The following SOCS2 variants were observed in gnomAD, a reference collection of about 807,000 sequenced individuals.
SOCS2 encodes suppressor of cytokine signaling 2, also known as CIS-2.
SOCS2 carries 10 observed loss-of-function variants against 18.6 expected under a neutral mutation model. The ratio of observed to expected loss-of-function variants is 0.54; its 90% CI spans 0.33 to 0.91. The LOEUF (loss-of-function observed/expected upper bound fraction) is 0.91. Ranked by LOEUF, SOCS2 falls within the 40% of genes least tolerant of loss-of-function variation. The pLI is 0.02. For missense variants in SOCS2, 231 were observed against 247.2 expected (o/e 0.93, Z 0.44); for synonymous variants, 104 against 104.0 (o/e 1.00, Z 0.00).
At chr12:93,591,268 A>C in the SOCS2 span, among the ~76,000 whole-genome samples, 14,123 of 151,738 alleles carry the variant, frequency 0.093, 1,796 homozygotes, top group African/African-American at 0.29. Context: ...AACAAACAAA[A>C]AAAAAAAAAC....
At chr12:93,614,083 C>A in the SOCS2 span, among the ~76,000 whole-genome samples, 1 of 149,736 alleles carries the variant, frequency 6.7e-6, no homozygotes, top group Non-Finnish European at 1.5e-5. Flanking sequence ...GGTTAACCAG[C>A]CATTTTTTTT....
At chr12:93,604,195 A>G in the SOCS2 span, among the ~76,000 whole-genome samples, 1 of 133,234 alleles carries the variant, frequency 7.5e-6, no homozygotes, top group Non-Finnish European at 1.6e-5. Flanking sequence ...AAAAAAACAA[A>G]CAAAACAAAA....
chr12:93,614,467 CTT>C, the SOCS2 span, among the ~76,000 whole-genome samples: 2 of 81,074 alleles, frequency 2.5e-5, no homozygotes, highest in African/African-American at 1.4e-4. Context: ...TCCTTCCTTC[CTT>C]CCTTCCTTCC....
rs2136700163 is a variant in SOCS2 at position 93,574,966 on chromosome 12, C to T, written c.384C>T (p.Tyr128=). The T allele has an allele frequency of 6.2e-7, 1 of 1,614,134 alleles. No homozygotes were observed. The highest frequency in any genetic ancestry group is 2.2e-5 in the East Asian group (1 of 44,884). Residue 128 remains tyrosine, a synonymous_variant, in exon 2 of 2, where the codon TAC becomes TAT. Transcript: ENST00000551556. Reference sequence around the variant, plus strand: ...ACAGTGTGGTTCATCTGATCGACTACTATGTTCAGATGTGCAAGGATAAGC... The same window carrying T: ...ACAGTGTGGTTCATCTGATCGACTATTATGTTCAGATGTGCAAGGATAAGC... ...QFDSVVHLID[Y]YVQMCKDKRT... is the part of the protein sequence containing the mutation.
At chr12:93,614,479 C>CTT in the SOCS2 span, among the ~76,000 whole-genome samples, 1 of 31,886 alleles carries the variant, frequency 3.1e-5, no homozygotes, top group African/African-American at 2.3e-4. Context: ...TCCTTCCTTC[C>CTT]TTTCCTTCCT....
chr12:93,591,016 T>C, the SOCS2 span, among the ~76,000 whole-genome samples: 1 of 151,988 alleles, frequency 6.6e-6, no homozygotes, highest in African/African-American at 2.4e-5. Flanking sequence ...TTTTACTTGT[T>C]GGCAGTGCAG....
chr12:93,594,506 T>C, the SOCS2 span, among the ~76,000 whole-genome samples: 1 of 152,194 alleles, frequency 6.6e-6, no homozygotes, highest in Non-Finnish European at 1.5e-5. Context: ...CTTTCTCAAA[T>C]GTGTCATTTA....
chr12:93,606,113 C>G, the SOCS2 span, among the ~76,000 whole-genome samples: 1 of 152,148 alleles, frequency 6.6e-6, no homozygotes, highest in Non-Finnish European at 1.5e-5. Context: ...ACTCATGACC[C>G]AAAATGGCTC....
chr12:93,592,711 C>G, the SOCS2 span, among the ~76,000 whole-genome samples: 2 of 152,132 alleles, frequency 1.3e-5, no homozygotes, highest in Non-Finnish European at 2.9e-5. Context: ...ATCGAATAAA[C>G]TTGTTTATTT....
downstream of SOCS2, among the ~76,000 whole-genome samples, chr12:93,580,759 A>G (rs371840584): frequency 6.6e-6 from 1 of 151,870 alleles, no homozygotes; most frequent in Non-Finnish European, 1.5e-5. Flanking sequence ...TTTCCAGCAT[A>G]GCTTGTTTCT....
the SOCS2 span, among the ~76,000 whole-genome samples, chr12:93,619,950 C>A: frequency 6.6e-6 from 1 of 152,162 alleles, no homozygotes; most frequent in Admixed American, 6.5e-5. Context: ...TATATCTTCA[C>A]GTTTCAATTG....
chr12:93,614,437 T>C, the SOCS2 span, among the ~76,000 whole-genome samples: 1 of 53,210 alleles, frequency 1.9e-5, no homozygotes, highest in Non-Finnish European at 3.3e-5. Context: ...TTCCCTTCCT[T>C]CCTTCCTTCC....
At chr12:93,609,307 G>C in the SOCS2 span, among the ~76,000 whole-genome samples, 1 of 152,086 alleles carries the variant, frequency 6.6e-6, no homozygotes, top group Non-Finnish European at 1.5e-5. Flanking sequence ...CAGGAGAATT[G>C]CTTGAACCCG....
the SOCS2 span, among the ~76,000 whole-genome samples, chr12:93,625,765 A>G: frequency 2.6e-5 from 4 of 151,502 alleles, no homozygotes; most frequent in Non-Finnish European, 5.9e-5. Context: ...AAAAAAAAAA[A>G]AGAGAATTAC....
At chr12:93,620,814 A>G in the SOCS2 span, among the ~76,000 whole-genome samples, 1 of 152,230 alleles carries the variant, frequency 6.6e-6, no homozygotes, top group African/African-American at 2.4e-5. Context: ...TGTTAACTAC[A>G]CCAGATAAGT....
chr12:93,572,989 C>G lies in SOCS2; in HGVS notation c.92C>G (p.Pro31Arg). The change falls in exon 1 of 2, where the codon CCG (proline) becomes CGG (arginine). Residue 31 changes from proline to arginine, a missense_variant. Transcript: ENST00000551556. This position sits in a 1 kb window ranked among gnomAD's most constrained non-coding sequence, Gnocchi z 5.0. ...GCGGGGTCGGCGGAGGAGCCATCCC[C>G]GCAGGCGGCGCGTCTGGCGAAGGCC... ...GTAGSAEEPS[P>R]QAARLAKALR... 6.4e-7 allele frequency: 1 copy of G among 1,569,522 alleles called. No homozygotes were observed. The highest frequency in any genetic ancestry group is 8.6e-7 in the Non-Finnish European group (1 of 1,158,946).
the SOCS2 span, among the ~76,000 whole-genome samples, chr12:93,614,090 T>A: frequency 1.3e-5 from 2 of 152,156 alleles, no homozygotes; most frequent in South Asian, 4.1e-4. Flanking sequence ...CAGCCATTTT[T>A]TTTTTTTCAT....
chr12:93,590,783 C>CAAAAAAAAAAAAAAAAAAAAA, the SOCS2 span, among the ~76,000 whole-genome samples: 1 of 38,956 alleles, frequency 2.6e-5, no homozygotes, highest in African/African-American at 1.2e-4. Flanking sequence ...GACTCCGCCT[C>CAAAAAAAAAAAAAAAAAAAAA]AAAAAAAAAA....
At chr12:93,601,667 C>A in the SOCS2 span, among the ~76,000 whole-genome samples, 3 of 152,170 alleles carry the variant, frequency 2.0e-5, no homozygotes, top group Non-Finnish European at 2.9e-5. Flanking sequence ...TATTAGTTTT[C>A]TCAAAGAACG....
Sources: gnomAD v4.1 joint callset for allele counts (sites outside exome capture counted in the v4.1 genomes callset) on GRCh38, gnomAD v4.1.1 for gene constraint, Gnocchi (gnomAD v3.1) non-coding constraint, MANE v1.5 for transcripts, NCBI Gene and HGNC (gene_info 2026-07-23, HGNC 2026-07-21) for gene names.